The following RIMS1 variants were observed in gnomAD, a reference collection of about 807,000 sequenced individuals.
RIMS1 encodes the protein regulating synaptic membrane exocytosis protein 1.
Under a neutral mutation model 214.1 loss-of-function variants are expected in RIMS1, and 83 were observed. The ratio of observed to expected loss-of-function variants is 0.39; its 90% CI spans 0.32 to 0.47. The LOEUF (loss-of-function observed/expected upper bound fraction) is 0.47, where lower values mean the gene tolerates loss of function less well. Among genes scored for constraint, RIMS1 ranks in the 20% least tolerant of loss-of-function variants. The probability of loss-of-function intolerance (pLI) is 0.99; values close to 1 mark genes in which losing one functional copy is unlikely to be tolerated. For synonymous variants in RIMS1, 793 were observed against 786.8 expected, an observed-to-expected ratio of 1.01 and a Z score of -0.13; for missense variants, 2,050 against 2,161.8, an observed-to-expected ratio of 0.95 and a Z score of 1.03.
rs866008125 is a variant in RIMS1 at position 72,227,737 on chromosome 6, C to T, written c.1679-6036C>T. Among the ~76,000 whole-genome samples the T allele has an allele frequency of 4.4e-4, 67 of 152,004 alleles. 1 individual carries two copies. The highest frequency in any genetic ancestry group is 1.4e-3 in the African/African-American group (60 of 41,526). The stretch of plus-strand genomic sequence containing the variant: ...ATCACTCTCTGGGGTAGTTCAACTC[C>T]GGAGGTTTCATTGAGTACGAATATT... On this transcript the variant is annotated intron_variant, in intron 6 of 33. Transcript: ENST00000521978.
At chr6:71,925,971 T>A (rs967587713) in intron 1 of RIMS1, among the ~76,000 whole-genome samples, 11 of 152,244 alleles carry the variant, frequency 7.2e-5, no homozygotes, top group Admixed American at 4.6e-4. Flanking sequence ...TTTCATAAAG[T>A]GAATACATCC....
intron 1 of RIMS1, among the ~76,000 whole-genome samples, chr6:71,968,670 T>G (rs1795071080): frequency 1.3e-5 from 2 of 152,218 alleles, no homozygotes; most frequent in Admixed American, 6.5e-5. Context: ...TTCAGACATC[T>G]TCATATGGTC....
intron 26 of RIMS1, among the ~76,000 whole-genome samples, chr6:72,301,025 A>T (rs993627498): frequency 2.6e-5 from 4 of 151,806 alleles, no homozygotes; most frequent in African/African-American, 9.7e-5. Flanking sequence ...ATTTTCACTT[A>T]TGTGTTACTC....
At chr6:72,169,354 T>C (rs1287926916) in intron 4 of RIMS1, among the ~76,000 whole-genome samples, 2 of 152,206 alleles carry the variant, frequency 1.3e-5, no homozygotes, top group East Asian at 3.8e-4. Context: ...TCAAAATATT[T>C]GGAAAACTTT....
intron 29 of RIMS1, among the ~76,000 whole-genome samples, chr6:72,364,143 T>C (rs968174831): frequency 6.6e-5 from 10 of 152,242 alleles, no homozygotes; most frequent in Non-Finnish European, 1.3e-4. Flanking sequence ...AATAACTCTA[T>C]TCTGGCTTTC....
chr6:72,267,543 G>C (rs1468461981), intron 22 of RIMS1, among the ~76,000 whole-genome samples: 1 of 151,986 alleles, frequency 6.6e-6, no homozygotes, highest in Admixed American at 6.6e-5. Flanking sequence ...CAAACTATTA[G>C]ATATTTTGCA....
intron 2 of RIMS1, among the ~76,000 whole-genome samples, chr6:72,049,671 T>C (rs778856778): frequency 7.2e-5 from 11 of 152,294 alleles, no homozygotes; most frequent in Middle Eastern, 3.4e-3. Context: ...TTGCGTATAA[T>C]TTTTGCTTTG....
intron 31 of RIMS1, among the ~76,000 whole-genome samples, chr6:72,397,299 T>C (rs1482644425): frequency 6.6e-6 from 1 of 152,206 alleles, no homozygotes; most frequent in African/African-American, 2.4e-5. Context: ...TTCTAGTTGC[T>C]AATCTAATTT....
rs150520064 is a variant in RIMS1, at chr6:72,256,250, T to C, written c.2771-1875T>C. Among the ~76,000 whole-genome samples the C allele has an allele frequency of 5.9e-5, 9 of 152,262 alleles. No homozygotes were observed. In the East Asian group the frequency reaches 1.5e-3, roughly 26 times the overall value. ...GAGTCAAATGTTAAAACTTTGAATA[T>C]TATAGCATATGTTATATTCAAAATG... is the stretch of plus-strand genomic sequence containing the variant. On this transcript the variant is annotated intron_variant, in intron 16 of 33. Transcript: ENST00000521978.
chr6:71,973,986 AG>A (rs1366175494), intron 2 of RIMS1, among the ~76,000 whole-genome samples: 1 of 152,048 alleles, frequency 6.6e-6, no homozygotes, highest in East Asian at 1.9e-4. Flanking sequence ...CTGTACTGAG[AG>A]GTGGTCCCTG....
rs181264791 is a variant in RIMS1, at chr6:72,103,854, A to G, written c.471+3868A>G. Among the ~76,000 whole-genome samples the G allele has an allele frequency of 5.3e-4, 81 of 152,298 alleles. 1 individual carries two copies. The highest frequency in any genetic ancestry group is 2.9e-5 in the Non-Finnish European group (2 of 68,014). ...TCATATTGCAAGGGAATGAAGTAGT[A>G]TCTCATTGTGGTTATCATAAAACTT... On this transcript the variant is annotated intron_variant, in intron 4 of 33. Coordinates refer to ENST00000521978, the MANE Select transcript of RIMS1 (RefSeq NM_014989.7).
chr6:71,937,641 G>A (rs1256378979), intron 1 of RIMS1, among the ~76,000 whole-genome samples: 1 of 152,138 alleles, frequency 6.6e-6, no homozygotes, highest in Non-Finnish European at 1.5e-5. Flanking sequence ...CATGGTGAGA[G>A]AGGGTGAGAG....
intron 2 of RIMS1, among the ~76,000 whole-genome samples, chr6:71,993,745 A>ATT (rs1209165137): frequency 6.6e-6 from 1 of 152,164 alleles, no homozygotes; most frequent in African/African-American, 2.4e-5. Flanking sequence ...TTATTTTCAA[A>ATT]TTGCAAAGTT....
At chr6:71,930,210 A>G (rs746502902) in intron 1 of RIMS1, among the ~76,000 whole-genome samples, 9 of 152,114 alleles carry the variant, frequency 5.9e-5, no homozygotes, top group Non-Finnish European at 1.3e-4. Flanking sequence ...AGAAAAGGAC[A>G]GAAGAGTATT....
At chr6:71,933,944 T>C (rs1783827654) in intron 1 of RIMS1, among the ~76,000 whole-genome samples, 1 of 151,906 alleles carries the variant, frequency 6.6e-6, no homozygotes, top group Non-Finnish European at 1.5e-5. Context: ...AACCTCTTAC[T>C]TTGTGGGCCT....
chr6:71,901,716 AT>A (rs1773685064), intron 1 of RIMS1, among the ~76,000 whole-genome samples: 1 of 152,150 alleles, frequency 6.6e-6, no homozygotes, highest in African/African-American at 2.4e-5. Flanking sequence ...ATATGTATGC[AT>A]TTGTCAAAAC....
chr6:72,133,658 T>C (rs1302918057), intron 4 of RIMS1, among the ~76,000 whole-genome samples: 1 of 152,162 alleles, frequency 6.6e-6, no homozygotes, highest in Non-Finnish European at 1.5e-5. Context: ...TCAGCTCATC[T>C]ACTCACTGAC....
intron 2 of RIMS1, among the ~76,000 whole-genome samples, chr6:72,078,619 C>T (rs1305368738): frequency 6.6e-6 from 1 of 152,088 alleles, no homozygotes; most frequent in Non-Finnish European, 1.5e-5. Flanking sequence ...AGTTCACTAC[C>T]TGTTTGCTTC....
chr6:72,333,700 A>G lies in RIMS1; in HGVS notation c.4231A>G (p.Asn1411Asp). The change falls in exon 29 of 34, where the codon AAT (asparagine) becomes GAT (aspartate). Residue 1411 changes from asparagine to aspartate, a missense_variant. Physicochemically the swap from Asn to Asp is conservative, Grantham distance 23. Coordinates refer to ENST00000521978, the MANE Select transcript of RIMS1 (RefSeq NM_014989.7). ...TGGAGAGATGTACACACTGGAGCAT[A>G]ATGACGGCAGCCAGTCAGACACAGC... ...VSGEMYTLEH[N>D]DGSQSDTAVG... The G allele has an allele frequency of 6.3e-7, 1 of 1,595,432 alleles. No individual in the cohort carries two copies. Among genetic ancestry groups the G allele is most frequent in the Non-Finnish European group, 8.5e-7 (1 of 1,170,964 alleles).
Sources: allele counts gnomAD v4.1 joint callset (sites outside exome capture counted in the v4.1 genomes callset), GRCh38; gene constraint gnomAD v4.1.1; transcripts MANE v1.5; gene names NCBI Gene and HGNC (gene_info 2026-07-23, HGNC 2026-07-21).